Variants in EPS15 observed in about 807,000 individuals in gnomAD.
EPS15 encodes the protein epidermal growth factor receptor substrate 15.
A neutral mutation model predicts 113.8 loss-of-function variants in EPS15; 72 were observed. That is an observed-to-expected ratio of 0.63 (90% CI 0.52 to 0.77). EPS15 has a LOEUF of 0.77. EPS15 is among the 30% of genes least tolerant of loss of function. The pLI is 0.00. For missense variants in EPS15, 1,048 were observed against 1,045.8 expected (o/e 1.00, Z -0.03); for synonymous variants, 344 against 363.4 (o/e 0.95, Z 0.61).
At chr1:51,373,574 G>A (rs1021059198) in intron 21 of EPS15, among the ~76,000 whole-genome samples, 26 of 152,174 alleles carry the variant, frequency 1.7e-4, no homozygotes, top group Admixed American at 1.2e-3. Context: ...TGGAATGCAC[G>A]AATTTCATGT....
intron 3 of EPS15, 78 bp downstream of exon 3, chr1:51,472,781 T>A: frequency 9.3e-7 from 1 of 1,077,320 alleles, no homozygotes; most frequent in East Asian, 2.4e-5. Flanking sequence ...GATGGCATCT[T>A]TCTAAATTTG....
At chr1:51,510,297 AAT>A (rs1644596529) in intron 1 of EPS15, among the ~76,000 whole-genome samples, 1 of 152,216 alleles carries the variant, frequency 6.6e-6, no homozygotes, top group Non-Finnish European at 1.5e-5. Context: ...ATTTGACTGA[AAT>A]ATCATCAATG....
In EPS15 at chr1:51,357,418, ATATATATAT is replaced by A. The variant is rs1358177854; in HGVS notation, c.2545-581_2545-573del. Among the ~76,000 whole-genome samples, 55 of 68,904 alleles carry A rather than the reference ATATATATAT, an allele frequency of 8.0e-4. 1 individual carries two copies. Among genetic ancestry groups the A allele is most frequent in the Middle Eastern group, 6.8e-3 (1 of 146 alleles). The allele number at this position is 68,904 out of a possible 152,430, so 45.2% of individuals were successfully genotyped here. ...TATATATATATATATATATATATAT[ATATATATAT>A]TTTTTTTTTTTAAATGTGATATATA... On this transcript the variant is annotated intron_variant, in intron 24 of 24. Transcript: ENST00000371733.
At chr1:51,466,629 AAAAT>A (rs1557497125) in intron 5 of EPS15, among the ~76,000 whole-genome samples, 2 of 151,862 alleles carry the variant, frequency 1.3e-5, no homozygotes, top group Non-Finnish European at 1.5e-5. Flanking sequence ...CTCTCAAAAA[AAAAT>A]AAATAAATAA....
chr1:51,496,989 ATATTT>A (rs1310732015), intron 1 of EPS15, among the ~76,000 whole-genome samples: 7 of 152,356 alleles, frequency 4.6e-5, no homozygotes, highest in Admixed American at 2.0e-4. Context: ...AAGATAATAA[ATATTT>A]TATAAGTGAA....
intron 13 of EPS15, among the ~76,000 whole-genome samples, chr1:51,420,019 T>G (rs1016729431): frequency 7.9e-5 from 12 of 152,106 alleles, no homozygotes; most frequent in Non-Finnish European, 1.5e-4. Context: ...AATCCACTAT[T>G]TTTTTCATTG....
chr1:51,516,614 G>A (rs1644722783), intron 1 of EPS15, among the ~76,000 whole-genome samples: 1 of 152,108 alleles, frequency 6.6e-6, no homozygotes, highest in Non-Finnish European at 1.5e-5. Flanking sequence ...GAAGGCATAA[G>A]CTAAAACATT....
Position 51,372,446 on chromosome 1 carries a change from T to C in EPS15, c.2120-6417A>G, listed in dbSNP as rs1646680268. On this transcript the variant is annotated intron_variant, in intron 21 of 24. Transcript: ENST00000371733. ...GTTCTGGAGTCCCTTTTGATGAAGA[T>C]GACAAAAATCATTCTGTCTGGTTTT... 5 of 534,206 alleles carry C rather than the reference T, an allele frequency of 9.4e-6. No individual in the cohort carries two copies. In the Admixed American group the frequency reaches 9.7e-5, roughly 10 times the overall value. The allele number at this position is 534,206 out of a possible 1,614,324, so 33.1% of individuals were successfully genotyped here.
intron 6 of EPS15, 67 bp downstream of exon 6, chr1:51,465,194 C>A: frequency 1.0e-6 from 1 of 960,012 alleles, no homozygotes; most frequent in Non-Finnish European, 1.6e-6. Flanking sequence ...CAATATATTT[C>A]AGAGGTAGAG....
At chr1:51,432,017 C>T (rs1217887831) in intron 12 of EPS15, among the ~76,000 whole-genome samples, 1 of 152,048 alleles carries the variant, frequency 6.6e-6, no homozygotes, top group East Asian at 1.9e-4. Context: ...TATAAAAATA[C>T]ATTTACTGGC....
intron 18 of EPS15, 174 bp from the exon 19 acceptor site, chr1:51,401,127 C>T: frequency 2.1e-6 from 1 of 469,986 alleles, no homozygotes; most frequent in South Asian, 4.2e-5. Flanking sequence ...GCCAACTATA[C>T]TTACCTTGAT....
At chr1:51,477,422 T>G (rs1453216176) in intron 2 of EPS15, among the ~76,000 whole-genome samples, 1 of 152,194 alleles carries the variant, frequency 6.6e-6, no homozygotes, top group Non-Finnish European at 1.5e-5. Flanking sequence ...ATTCCCTGAT[T>G]TTTTGAAGGG....
chr1:51,372,369 G>A (rs764297361), intron 21 of EPS15: 1 of 536,680 alleles, frequency 1.9e-6, no homozygotes, highest in Admixed American at 1.9e-5. Context: ...GCAGTGCATT[G>A]TTGGTGTGCT....
At chr1:51,453,727 T>C (rs1653756722) in intron 8 of EPS15, among the ~76,000 whole-genome samples, 2 of 151,958 alleles carry the variant, frequency 1.3e-5, no homozygotes, top group Admixed American at 6.5e-5. Context: ...TTAATTTTAC[T>C]GTTGCAATCA....
At chr1:51,435,770 A>G (rs1318010396) in intron 12 of EPS15, among the ~76,000 whole-genome samples, 1 of 152,216 alleles carries the variant, frequency 6.6e-6, no homozygotes, top group Non-Finnish European at 1.5e-5. Context: ...AAAGCAATAT[A>G]AATTACTATA....
At chr1:51,383,263 C>A (rs1432681821) in intron 21 of EPS15, among the ~76,000 whole-genome samples, 1 of 152,210 alleles carries the variant, frequency 6.6e-6, no homozygotes, top group African/African-American at 2.4e-5. Context: ...GAAAAGCCAA[C>A]AGTGAATATC....
At chr1:51,440,592 A>G (rs551884397) in intron 11 of EPS15, among the ~76,000 whole-genome samples, 160 bp from the exon 12 acceptor site, 2 of 152,122 alleles carry the variant, frequency 1.3e-5, no homozygotes, top group African/African-American at 4.8e-5. Context: ...ACAATTATAT[A>G]TAATTTTATA....
chr1:51,387,307 C>A (rs1205783739), intron 21 of EPS15, among the ~76,000 whole-genome samples: 1 of 151,998 alleles, frequency 6.6e-6, no homozygotes, highest in Non-Finnish European at 1.5e-5. Flanking sequence ...CCTAAAAGAG[C>A]TCCTGAAGGA....
chr1:51,470,867 G>A (rs958035029), intron 4 of EPS15, among the ~76,000 whole-genome samples: 1 of 152,002 alleles, frequency 6.6e-6, no homozygotes, highest in African/African-American at 2.4e-5. Flanking sequence ...CTCATCATAG[G>A]TACTCAACAA....
Sources: gnomAD v4.1 joint callset for allele counts (sites outside exome capture counted in the v4.1 genomes callset) on GRCh38, gnomAD v4.1.1 for gene constraint, MANE v1.5 for transcripts, NCBI Gene and HGNC (gene_info 2026-07-23, HGNC 2026-07-21) for gene names.